CWC27: variants seen among roughly 807,000 people sequenced by gnomAD.
CWC27 encodes CWC27 spliceosome associated cyclophilin.
In CWC27, 47 loss-of-function variants were observed where a neutral mutation model predicts 63.6. That is an observed-to-expected ratio of 0.74 (90% CI 0.58 to 0.94). The LOEUF (loss-of-function observed/expected upper bound fraction) is 0.94. CWC27 is among the 40% of genes least tolerant of loss of function. The pLI is 0.00. For synonymous variants in CWC27, 175 were observed against 179.8 expected (o/e 0.97, Z 0.22); for missense variants, 495 against 554.3 (o/e 0.89, Z 1.07).
chr5:64,868,147 A>G (rs1004696712), intron 10 of CWC27, among the ~76,000 whole-genome samples: 1 of 152,052 alleles, frequency 6.6e-6, no homozygotes, highest in Non-Finnish European at 1.5e-5. Context: ...AGAAGACTAC[A>G]TTCTTCACCC....
intron 11 of CWC27, among the ~76,000 whole-genome samples, chr5:64,970,115 T>C (rs1002814240): frequency 1.3e-5 from 2 of 152,178 alleles, no homozygotes; most frequent in Non-Finnish European, 2.9e-5. Context: ...CTTAAAGTGC[T>C]TGCTCTTTAT....
At chr5:64,891,228 T>A (rs1028473754) in intron 11 of CWC27, among the ~76,000 whole-genome samples, 5 of 152,148 alleles carry the variant, frequency 3.3e-5, no homozygotes, top group Admixed American at 1.3e-4. Context: ...GTTAAAAAAA[T>A]TAATCATTTT....
chr5:64,960,157 C>T (rs1219416130), intron 11 of CWC27, among the ~76,000 whole-genome samples: 1 of 151,354 alleles, frequency 6.6e-6, no homozygotes, highest in Non-Finnish European at 1.5e-5. Context: ...TCGGGATATA[C>T]CCAGTTGGTT....
intron 11 of CWC27, among the ~76,000 whole-genome samples, chr5:64,930,133 T>A (rs1273902493): frequency 6.6e-6 from 1 of 152,188 alleles, no homozygotes; most frequent in African/African-American, 2.4e-5. Context: ...ATTATATGAT[T>A]CCATTTATAT....
Position 64,783,907 on chromosome 5 carries a change from TA to T in CWC27, c.326del (p.Asn109MetfsTer39), listed in dbSNP as rs1300583921. On this transcript the variant is annotated frameshift_variant, in exon 4 of 14. Coordinates refer to ENST00000381070, the MANE Select transcript of CWC27 (RefSeq NM_005869.4). LOFTEE classifies it high-confidence loss of function. Reference sequence around the variant, plus strand: ...CCATGGCAAATGCTGGTTCTCATGATAATGGCAGCCAGTTTTTCTTCACACT... The same window carrying T: ...CCATGGCAAATGCTGGTTCTCATGATATGGCAGCCAGTTTTTCTTCACACT... ...VAMANAGSHD[N>X]GSQFFFTLGR... 1 of 1,608,276 alleles carries T rather than the reference TA, an allele frequency of 6.2e-7. No homozygotes were observed. The highest frequency in any genetic ancestry group is 8.5e-7 in the Non-Finnish European group (1 of 1,177,568).
intron 13 of CWC27, among the ~76,000 whole-genome samples, chr5:64,979,965 T>TA (rs35301190): frequency 0.26 from 29,003 of 112,008 alleles, 3,478 homozygotes; most frequent in South Asian, 0.36. Context: ...ACTTTTTATG[T>TA]AAAAAAAAAA....
At chr5:64,981,847 C>T (rs1345066327) in intron 13 of CWC27, among the ~76,000 whole-genome samples, 1 of 152,142 alleles carries the variant, frequency 6.6e-6, no homozygotes, top group Non-Finnish European at 1.5e-5. Context: ...TTCTTAGGAG[C>T]CTTATCTCCA....
At chr5:64,950,835 T>C (rs1329462511) in intron 11 of CWC27, among the ~76,000 whole-genome samples, 1 of 151,984 alleles carries the variant, frequency 6.6e-6, no homozygotes, top group Non-Finnish European at 1.5e-5. Context: ...ATCTGCTTTC[T>C]CACACTATAG....
intron 3 of CWC27, among the ~76,000 whole-genome samples, chr5:64,782,447 C>CAAATAAATAAACAAATAAAT (rs1554067435): frequency 7.2e-6 from 1 of 139,766 alleles, no homozygotes; most frequent in Non-Finnish European, 1.5e-5. Flanking sequence ...GACTCCGTCT[C>CAAATAAATAAACAAATAAAT]AAATAAATAA....
At chr5:64,878,822 A>C (rs906794451) in intron 10 of CWC27, among the ~76,000 whole-genome samples, 1 of 151,864 alleles carries the variant, frequency 6.6e-6, no homozygotes, top group African/African-American at 2.4e-5. Flanking sequence ...GTAACTGTAG[A>C]GGATATGTGG....
intron 11 of CWC27, among the ~76,000 whole-genome samples, chr5:64,892,597 A>G (rs1457539104): frequency 6.6e-6 from 1 of 152,108 alleles, no homozygotes; most frequent in Non-Finnish European, 1.5e-5. Flanking sequence ...TGTTTATAAT[A>G]TTCCTTTTTA....
intron 11 of CWC27, among the ~76,000 whole-genome samples, chr5:64,955,803 AT>A (rs1025199338): frequency 6.6e-6 from 1 of 152,194 alleles, no homozygotes; most frequent in Admixed American, 6.5e-5. Context: ...AGTTGTACAT[AT>A]TTTCATATTT....
At chr5:64,876,667 GAGA>G (rs1480414208) in intron 10 of CWC27, among the ~76,000 whole-genome samples, 1 of 152,036 alleles carries the variant, frequency 6.6e-6, no homozygotes. Context: ...GTGAATATTA[GAGA>G]AGATCAGTGC....
intron 11 of CWC27, among the ~76,000 whole-genome samples, chr5:64,941,582 A>G (rs1580739874): frequency 6.6e-6 from 1 of 152,324 alleles, no homozygotes; most frequent in East Asian, 1.9e-4. Flanking sequence ...AGAAAATAAA[A>G]TCACCTTTAT....
rs970938067 is a variant in CWC27 at position 64,810,408 on chromosome 5, A to AT, written c.938+6031dup. 1.7e-4 allele frequency among the ~76,000 whole-genome samples: 26 copies of AT among 151,366 alleles called. 1 individual carries two copies. Among genetic ancestry groups the AT allele is most frequent in the East Asian group, 3.9e-4 (2 of 5,150 alleles). On this transcript the variant is annotated intron_variant, in intron 10 of 13. Transcript: ENST00000381070. ...TTTCTGGTTCCATACTAATTTTAGG[A>AT]TTTTTTTTTCTATTTCTGTGAAAAA...
intron 10 of CWC27, among the ~76,000 whole-genome samples, chr5:64,879,217 C>T (rs1746877048): frequency 6.6e-6 from 1 of 151,866 alleles, no homozygotes; most frequent in Non-Finnish European, 1.5e-5. Context: ...AGTTGGTGTT[C>T]GTTGAGGAGC....
intron 10 of CWC27, among the ~76,000 whole-genome samples, chr5:64,865,804 G>A (rs1746519438): frequency 6.6e-6 from 1 of 152,036 alleles, no homozygotes; most frequent in South Asian, 2.1e-4. Flanking sequence ...TTCAGGATGT[G>A]ATGAATCTGT....
rs530839991 is a variant in CWC27 at position 64,958,280 on chromosome 5, G to A, written c.1043-13423G>A. 5.3e-5 allele frequency among the ~76,000 whole-genome samples: 8 copies of A among 152,210 alleles called. No individual in the cohort carries two copies. In the South Asian group the frequency reaches 1.5e-3, roughly 28 times the overall value. On this transcript the variant is annotated intron_variant, in intron 11 of 13. Coordinates refer to ENST00000381070, the MANE Select transcript of CWC27 (RefSeq NM_005869.4). ...TATGAAGCATATGTGCAGTGAGAAC[G>A]TGCTACAAAGAGAAAGTGTATATGG...
chr5:64,958,998 A>C (rs1161237667), intron 11 of CWC27, among the ~76,000 whole-genome samples: 2 of 152,176 alleles, frequency 1.3e-5, no homozygotes, highest in Admixed American at 1.3e-4. Flanking sequence ...AGATGGAGCC[A>C]GTATTGTTCA....
Sources: allele counts gnomAD v4.1 joint callset (sites outside exome capture counted in the v4.1 genomes callset), GRCh38; gene constraint gnomAD v4.1.1; transcripts MANE v1.5; gene names NCBI Gene and HGNC (gene_info 2026-07-23, HGNC 2026-07-21).